Variants in ZMYM4 observed in about 807,000 individuals in gnomAD.
The protein encoded by ZMYM4 is zinc finger MYM-type containing 4, also known as zinc finger MYM-type protein 4.
A neutral mutation model predicts 183.2 loss-of-function variants in ZMYM4; 31 were observed. That is an observed-to-expected ratio of 0.17 (90% CI 0.13 to 0.23). The LOEUF (loss-of-function observed/expected upper bound fraction) is 0.23, where lower values mean the gene tolerates loss of function less well. Among genes scored for constraint, ZMYM4 ranks in the 10% least tolerant of loss-of-function variants. The probability of loss-of-function intolerance (pLI) is 1.00; values close to 1 mark genes in which losing one functional copy is unlikely to be tolerated. For synonymous variants in ZMYM4, 592 were observed against 631.2 expected (o/e 0.94, Z 0.93); for missense variants, 1,273 against 1,840.3 (o/e 0.69, Z 5.64).
intron 2 of ZMYM4, among the ~76,000 whole-genome samples, chr1:35,356,236 ATAAG>A (rs1419548909): frequency 6.6e-6 from 1 of 152,192 alleles, no homozygotes; most frequent in East Asian, 1.9e-4. Context: ...AACTAAATAA[ATAAG>A]TAAATGTAGT....
At chr1:35,291,524 A>G (rs920999901) in intron 1 of ZMYM4, among the ~76,000 whole-genome samples, 2 of 151,184 alleles carry the variant, frequency 1.3e-5, no homozygotes, top group African/African-American at 4.9e-5. Flanking sequence ...CTGTCTCCAG[A>G]TGTCTTTCTA....
intron 2 of ZMYM4, among the ~76,000 whole-genome samples, chr1:35,336,840 T>C (rs1408209344): frequency 6.6e-6 from 1 of 152,224 alleles, no homozygotes; most frequent in African/African-American, 2.4e-5. Flanking sequence ...GTAGTCCTCA[T>C]GTCTCTACAA....
intron 1 of ZMYM4, among the ~76,000 whole-genome samples, chr1:35,305,331 C>G (rs1392367946): frequency 6.6e-6 from 1 of 152,094 alleles, no homozygotes; most frequent in East Asian, 1.9e-4. Flanking sequence ...CTCTTTAGTT[C>G]TGTTTTTTGC....
chr1:35,306,678 A>G (rs570109944), intron 1 of ZMYM4, among the ~76,000 whole-genome samples: 3 of 152,268 alleles, frequency 2.0e-5, no homozygotes, highest in Admixed American at 1.3e-4. Context: ...GGTTGGGCAT[A>G]TATGGTCCTG....
At chr1:35,302,200 C>CTTTTTTTTTTTTTTTTTTTTTTTTT (rs576277396) in intron 1 of ZMYM4, among the ~76,000 whole-genome samples, 4 of 58,556 alleles carry the variant, frequency 6.8e-5, no homozygotes, top group African/African-American at 2.6e-4. Flanking sequence ...ACGGCTCTTG[C>CTTTTTTTTTTTTTTTTTTTTTTTTT]TTTTTTTTTT....
intron 2 of ZMYM4, among the ~76,000 whole-genome samples, chr1:35,351,968 A>G (rs547873080): frequency 2.4e-4 from 37 of 152,288 alleles, no homozygotes; most frequent in Admixed American, 1.4e-3. Flanking sequence ...ATCTAAGTCT[A>G]TTTGCATTTT....
In ZMYM4 at chr1:35,421,872, C is replaced by A. The variant is rs962920297; in HGVS notation, c.*2195C>A. ...CTTTTTGTTCTTTTTCAGTTTTTAA[C>A]CACTTTTAGGTTTTCCCCTTACAGA... On this transcript the variant is annotated 3_prime_UTR_variant, in exon 30 of 30. Coordinates refer to ENST00000314607, the MANE Select transcript of ZMYM4 (RefSeq NM_005095.3). The A allele has an allele frequency of 6.6e-6, 1 of 152,024 alleles. No individual in the cohort carries two copies. The highest frequency in any genetic ancestry group is 6.6e-5 in the Admixed American group (1 of 15,260). The allele number at this position is 152,024 out of a possible 1,614,324, so 9.4% of individuals were successfully genotyped here.
chr1:35,272,522 G>GT (rs1639665613), intron 1 of ZMYM4, among the ~76,000 whole-genome samples: 1 of 152,266 alleles, frequency 6.6e-6, no homozygotes, highest in African/African-American at 2.4e-5. Context: ...ACTTATTTTT[G>GT]TAAGAATAGC....
At chr1:35,322,919 T>G (rs1332710447) in intron 1 of ZMYM4, among the ~76,000 whole-genome samples, 1 of 151,978 alleles carries the variant, frequency 6.6e-6, no homozygotes, top group Non-Finnish European at 1.5e-5. Flanking sequence ...CTTGAACTCC[T>G]GACCTTGTGA....
At chr1:35,390,862 G>T (rs1644689412) in intron 15 of ZMYM4, among the ~76,000 whole-genome samples, 2 of 152,080 alleles carry the variant, frequency 1.3e-5, no homozygotes, top group Admixed American at 1.3e-4. Context: ...AAATCACATG[G>T]CCTTTTAAAT....
chr1:35,422,057 C>T lies in ZMYM4; in HGVS notation c.*2380C>T, dbSNP rs1047529217. The T allele has an allele frequency of 1.3e-5, 2 of 152,024 alleles. No homozygotes were observed. Among genetic ancestry groups the T allele is most frequent in the Non-Finnish European group, 2.9e-5 (2 of 68,002 alleles). 9.4% of individuals were successfully genotyped at this position (152,024 alleles called of 1,614,324 possible). Reference sequence around the variant, plus strand: ...AATTACAAAGAAAGAGAGCAGTTTCCGAGAAAGAAATTTTTTTTATGTAGT... The same window carrying T: ...AATTACAAAGAAAGAGAGCAGTTTCTGAGAAAGAAATTTTTTTTATGTAGT... On this transcript the variant is annotated 3_prime_UTR_variant, in exon 30 of 30. Coordinates refer to ENST00000314607, the MANE Select transcript of ZMYM4 (RefSeq NM_005095.3).
rs1248861706 is a variant in ZMYM4, at chr1:35,348,217, C to A, written c.86-10708C>A. On this transcript the variant is annotated intron_variant, in intron 2 of 29. Coordinates refer to ENST00000314607, the MANE Select transcript of ZMYM4 (RefSeq NM_005095.3). ...AAATTGGTAAAAATCAAACTCATTT[C>A]TATCAGAAATGTATCAAGTGTAAAT... Among the ~76,000 whole-genome samples the A allele has an allele frequency of 3.3e-5, 5 of 152,296 alleles. No homozygotes were observed. The South Asian group carries it at 8.3e-4, about 25-fold the overall frequency.
chr1:35,288,244 C>T (rs528897276), intron 1 of ZMYM4, among the ~76,000 whole-genome samples: 2 of 152,292 alleles, frequency 1.3e-5, no homozygotes, highest in South Asian at 2.1e-4. Context: ...TTTCGCACTC[C>T]CTTCTTTACT....
At chr1:35,350,626 C>T in intron 2 of ZMYM4, 1 of 197,486 alleles carries the variant, frequency 5.1e-6, no homozygotes, top group Non-Finnish European at 1.0e-5. Context: ...GAAAATTATG[C>T]TTTGATTAAA....
chr1:35,391,515 A>G (rs915011089), intron 15 of ZMYM4, among the ~76,000 whole-genome samples: 1 of 152,184 alleles, frequency 6.6e-6, no homozygotes, highest in African/African-American at 2.4e-5. Context: ...AAATAAAAGC[A>G]AAATCTACAA....
intron 2 of ZMYM4, among the ~76,000 whole-genome samples, chr1:35,342,269 C>T (rs1643227441): frequency 2.0e-5 from 3 of 152,068 alleles, no homozygotes; most frequent in Admixed American, 6.6e-5. Context: ...AGCCTCCCAC[C>T]TCACCCTCCC....
chr1:35,281,743 A>G (rs1402599356), intron 1 of ZMYM4, among the ~76,000 whole-genome samples: 1 of 152,036 alleles, frequency 6.6e-6, no homozygotes, highest in Admixed American at 6.6e-5. Flanking sequence ...GTACATAAAC[A>G]ATATTGTGCA....
chr1:35,294,005 C>T lies in ZMYM4; in HGVS notation c.39+24920C>T, dbSNP rs1303978971. On this transcript the variant is annotated intron_variant, in intron 1 of 29. Coordinates refer to ENST00000314607, the MANE Select transcript of ZMYM4 (RefSeq NM_005095.3). Reference sequence around the variant, plus strand: ...AAAAAATTAGCTGGGCGTGGTGGCACGCGCCTGCAGTCCCAGCTACTTGGG... The same window carrying T: ...AAAAAATTAGCTGGGCGTGGTGGCATGCGCCTGCAGTCCCAGCTACTTGGG... 6.6e-5 allele frequency among the ~76,000 whole-genome samples: 10 copies of T among 152,080 alleles called. No homozygotes were observed. In the East Asian group the frequency reaches 1.9e-3, roughly 29 times the overall value.
At chr1:35,288,147 T>G (rs1028358690) in intron 1 of ZMYM4, among the ~76,000 whole-genome samples, 4 of 152,336 alleles carry the variant, frequency 2.6e-5, no homozygotes, top group African/African-American at 9.6e-5. Flanking sequence ...TTAAAAACAT[T>G]TTTGATGTTC....
Sources: allele counts gnomAD v4.1 joint callset (sites outside exome capture counted in the v4.1 genomes callset), GRCh38; gene constraint gnomAD v4.1.1; transcripts MANE v1.5; gene names NCBI Gene and HGNC (gene_info 2026-07-23, HGNC 2026-07-21).